Variants in RBFOX1 observed in about 807,000 individuals in gnomAD.
RBFOX1 encodes RNA binding protein fox-1 homolog 1.
A neutral mutation model predicts 57.7 loss-of-function variants in RBFOX1; 8 were observed. That is an observed-to-expected ratio of 0.14 (90% CI 0.08 to 0.25). RBFOX1 has a LOEUF of 0.25. RBFOX1 is among the 10% of genes least tolerant of loss of function. The pLI, the probability that RBFOX1 is intolerant of heterozygous loss-of-function variation, is 1.00. For missense variants in RBFOX1, 611 were observed against 548.5 expected (o/e 1.11, Z -1.14); for synonymous variants, 326 against 222.4 (o/e 1.47, Z -4.15).
intron 1 of RBFOX1, among the ~76,000 whole-genome samples, chr16:6,120,469 A>G (rs140892095): frequency 6.6e-6 from 1 of 152,252 alleles, no homozygotes; most frequent in East Asian, 1.9e-4. Flanking sequence ...ACTGGAGTGA[A>G]TGGCATCCTC....
chr16:6,041,886 G>T (rs1022932285), intron 1 of RBFOX1, among the ~76,000 whole-genome samples: 2 of 152,066 alleles, frequency 1.3e-5, no homozygotes, highest in Non-Finnish European at 2.9e-5. Context: ...AAGTTCTATA[G>T]CTCAGGAACC....
chr16:6,193,392 C>CATTATATATATATACTATA (rs1555545384), intron 1 of RBFOX1, among the ~76,000 whole-genome samples: 3 of 43,216 alleles, frequency 6.9e-5, no homozygotes, highest in African/African-American at 6.5e-5. Context: ...TATATATATA[C>CATTATATATATATACTATA]TATATATATA....
chr16:5,665,564 C>G (rs2049815193), intron 3 of RBFOX1, among the ~76,000 whole-genome samples: 1 of 152,228 alleles, frequency 6.6e-6, no homozygotes, highest in Admixed American at 6.5e-5. Flanking sequence ...GCTAGTGCCA[C>G]AGGGGCAGGG....
At chr16:5,934,853 A>G (rs2059136456) in intron 4 of RBFOX1, among the ~76,000 whole-genome samples, 1 of 152,238 alleles carries the variant, frequency 6.6e-6, no homozygotes. Flanking sequence ...CGGGCCACTC[A>G]CAGAAAGAGT....
intron 3 of RBFOX1, among the ~76,000 whole-genome samples, chr16:7,050,055 G>T (rs2049461845): frequency 6.6e-6 from 1 of 151,750 alleles, no homozygotes; most frequent in Non-Finnish European, 1.5e-5. Context: ...TTTGTTCTCT[G>T]TCTCAATGAA....
At chr16:7,434,960 G>A (rs375575856) in intron 4 of RBFOX1, among the ~76,000 whole-genome samples, 1 of 152,120 alleles carries the variant, frequency 6.6e-6, no homozygotes, top group Non-Finnish European at 1.5e-5. Flanking sequence ...GGCCGGTCTT[G>A]AACTGTTGAC....
At chr16:7,412,514 A>G (rs749246690) in intron 4 of RBFOX1, among the ~76,000 whole-genome samples, 2 of 152,214 alleles carry the variant, frequency 1.3e-5, no homozygotes, top group African/African-American at 2.4e-5. Context: ...GTATGCTGCA[A>G]TTAAAATTTT....
intron 1 of RBFOX1, among the ~76,000 whole-genome samples, chr16:6,198,181 GA>G (rs1430981823): frequency 1.3e-5 from 2 of 152,168 alleles, no homozygotes; most frequent in Non-Finnish European, 2.9e-5. Context: ...ACTTATAAGT[GA>G]AAACACAAGG....
intron 3 of RBFOX1, among the ~76,000 whole-genome samples, chr16:6,990,339 A>G (rs1021040596): frequency 6.6e-6 from 1 of 152,162 alleles, no homozygotes; most frequent in African/African-American, 2.4e-5. Flanking sequence ...AGCCTGGCCA[A>G]CATGGTGAAA....
chr16:5,762,601 C>G (rs923844286), intron 3 of RBFOX1, among the ~76,000 whole-genome samples: 1 of 152,114 alleles, frequency 6.6e-6, no homozygotes, highest in Non-Finnish European at 1.5e-5. Context: ...CAAACTTAGC[C>G]GCAGAAGGCA....
chr16:6,809,246 G>T (rs1056892477), intron 3 of RBFOX1, among the ~76,000 whole-genome samples: 1 of 152,052 alleles, frequency 6.6e-6, no homozygotes, highest in Admixed American at 6.6e-5. Flanking sequence ...TGATTCTGGG[G>T]GCTGCCTTCT....
At chr16:7,067,696 C>G (rs2056420340) in intron 4 of RBFOX1, among the ~76,000 whole-genome samples, 1 of 127,174 alleles carries the variant, frequency 7.9e-6, no homozygotes, top group South Asian at 3.2e-4. Context: ...TCCCCCCACC[C>G]CACAACAATC....
Position 6,286,081 on chromosome 16 carries a change from G to A in RBFOX1, c.-126-30914G>A, listed in dbSNP as rs187709295. On this transcript the variant is annotated intron_variant, in intron 1 of 15. Coordinates refer to ENST00000550418, the MANE Select transcript of RBFOX1 (RefSeq NM_018723.4). ...TTTGGCACTGATAATAAATGTTCACGTATGGCCCTCTTTCCAGGAGAAATG... is the reference window on the plus strand; with the variant it reads ...TTTGGCACTGATAATAAATGTTCACATATGGCCCTCTTTCCAGGAGAAATG... Among the ~76,000 whole-genome samples, 5 of 152,158 alleles carry A rather than the reference G, an allele frequency of 3.3e-5. No homozygotes were observed. The South Asian group carries it at 6.2e-4, about 19-fold the overall frequency.
intron 4 of RBFOX1, among the ~76,000 whole-genome samples, chr16:7,507,560 TC>T (rs1385889991): frequency 3.4e-5 from 3 of 88,340 alleles, no homozygotes; most frequent in African/African-American, 6.1e-5. Context: ...TTTTTTTCTT[TC>T]TTTCTTTTTT....
At chr16:7,064,327 C>G (rs2055386142) in intron 4 of RBFOX1, among the ~76,000 whole-genome samples, 2 of 152,020 alleles carry the variant, frequency 1.3e-5, no homozygotes, top group East Asian at 3.9e-4. Flanking sequence ...CGCCACCATA[C>G]CCAGCTAATT....
chr16:6,191,636 C>A (rs1488577609), intron 1 of RBFOX1, among the ~76,000 whole-genome samples: 1 of 152,066 alleles, frequency 6.6e-6, no homozygotes, highest in Non-Finnish European at 1.5e-5. Flanking sequence ...CAAGAGTAAT[C>A]TGTAATTTTT....
intron 4 of RBFOX1, among the ~76,000 whole-genome samples, chr16:7,091,715 A>C (rs2060889439): frequency 6.6e-6 from 1 of 152,088 alleles, no homozygotes; most frequent in Non-Finnish European, 1.5e-5. Context: ...CCCCATCCTC[A>C]GTACTGGGGG....
At chr16:7,022,310 C>A (rs74458936) in intron 3 of RBFOX1, among the ~76,000 whole-genome samples, 4 of 151,306 alleles carry the variant, frequency 2.6e-5, no homozygotes, top group Non-Finnish European at 5.9e-5. Context: ...ACCTCAGCCT[C>A]CCAAAGTGCT....
chr16:7,352,997 T>G (rs2097154814), intron 4 of RBFOX1, among the ~76,000 whole-genome samples: 1 of 152,174 alleles, frequency 6.6e-6, no homozygotes, highest in Admixed American at 6.5e-5. Context: ...ACTGCAAGTA[T>G]GAGCCACTGC....
Sources: allele counts gnomAD v4.1 joint callset (sites outside exome capture counted in the v4.1 genomes callset), GRCh38; gene constraint gnomAD v4.1.1; transcripts MANE v1.5; gene names NCBI Gene and HGNC (gene_info 2026-07-23, HGNC 2026-07-21).